The following GPRC5C variants were observed in gnomAD, a reference collection of about 807,000 sequenced individuals.
GPRC5C encodes the protein G protein-coupled receptor family C group 5 member C.
In GPRC5C, 22 loss-of-function variants were observed where a neutral mutation model predicts 31.4. The observed-to-expected ratio is 0.70, with a 90% CI of 0.50 to 1.00. The LOEUF is 1.00. Among genes scored for constraint, GPRC5C ranks in the 50% least tolerant of loss-of-function variants. The probability of loss-of-function intolerance (pLI) is 0.00; values close to 1 mark genes in which losing one functional copy is unlikely to be tolerated. For missense variants in GPRC5C, 557 were observed against 597.2 expected, an observed-to-expected ratio of 0.93 and a Z score of 0.70; for synonymous variants, 249 against 257.5, an observed-to-expected ratio of 0.97 and a Z score of 0.32.
intron 1 of GPRC5C, among the ~76,000 whole-genome samples, chr17:74,436,788 G>A (rs553586766): frequency 4.1e-4 from 63 of 152,296 alleles, no homozygotes; most frequent in African/African-American, 1.4e-3. Flanking sequence ...TCTTCCCTAC[G>A]TCCAGCTTCA....
At chr17:74,447,680 TCC>T (rs1851302195), downstream of GPRC5C, among the ~76,000 whole-genome samples, 1 of 152,178 alleles carries the variant, frequency 6.6e-6, no homozygotes. Context: ...TAGGATGCAG[TCC>T]CGCACCTGGG....
Position 74,438,540 on chromosome 17 carries a change from C to T in GPRC5C, c.-32-1205C>T, listed in dbSNP as rs8079890. Among the ~76,000 whole-genome samples the T allele has an allele frequency of 2.6e-3, 388 of 151,872 alleles. 3 individuals carry two copies. Among genetic ancestry groups the T allele is most frequent in the African/African-American group, 8.8e-3 (365 of 41,412 alleles). On this transcript the variant is annotated intron_variant, in intron 1 of 3. Coordinates refer to ENST00000392627, the MANE Select transcript of GPRC5C (RefSeq NM_022036.4). ...CCTCCCAAAGTGCTGGGATTACAGG[C>T]GTGAGCCACTGCACCCAGCTGCTAA... is the stretch of plus-strand genomic sequence containing the variant.
rs150994821 is a variant in GPRC5C at position 74,444,967 on chromosome 17, G to A, written c.1146+1055G>A. Among the ~76,000 whole-genome samples the A allele has an allele frequency of 2.4e-3, 360 of 152,236 alleles. 1 individual carries two copies. The highest frequency in any genetic ancestry group is 0.013 in the East Asian group (70 of 5,186). ...GGGAGCCTGCTCAAAGTGCAAATGG[G>A]GGCCAGGCACAATGGCTCACACCTG... is the stretch of plus-strand genomic sequence containing the variant. On this transcript the variant is annotated intron_variant, in intron 3 of 3. Coordinates refer to ENST00000392627, the MANE Select transcript of GPRC5C (RefSeq NM_022036.4).
At position 74,439,817 on chromosome 17, in the gene GPRC5C, C is replaced by T. The variant is rs1169087637; in HGVS notation, c.41C>T (p.Pro14Leu). 6.2e-7 allele frequency: 1 copy of T among 1,613,556 alleles called. No homozygotes were observed. Among genetic ancestry groups the T allele is most frequent in the African/African-American group, 1.3e-5 (1 of 74,936 alleles). The change falls in exon 2 of 4, where the codon CCT (proline) becomes CTT (leucine). Residue 14 changes from proline to leucine, a missense_variant. Physicochemically the swap from Pro to Leu is moderately conservative, Grantham distance 98. Coordinates refer to ENST00000392627, the MANE Select transcript of GPRC5C (RefSeq NM_022036.4). The part of the protein sequence containing the change: ...HKALVMCLGL[P>L]LFLFPGAWAQ... ...GCCTTGGTGATGTGCCTGGGACTGCCTCTCTTCCTGTTCCCAGGGGCCTGG... is the reference window on the plus strand; with the variant it reads ...GCCTTGGTGATGTGCCTGGGACTGCTTCTCTTCCTGTTCCCAGGGGCCTGG...
At chr17:74,438,649 TTG>T (rs1330961422) in intron 1 of GPRC5C, among the ~76,000 whole-genome samples, 3 of 152,188 alleles carry the variant, frequency 2.0e-5, no homozygotes, top group African/African-American at 7.2e-5. Flanking sequence ...TCTGTTCACC[TTG>T]ACCTCCCAAA....
downstream of GPRC5C, chr17:74,450,741 C>G (rs184372047): frequency 6.6e-5 from 10 of 152,290 alleles, no homozygotes; most frequent in East Asian, 1.9e-3. Flanking sequence ...GGTGCTGGCA[C>G]CAAAGACAGA....
chr17:74,446,794 C>G, intron 3 of GPRC5C, 55 bp from the exon 4 acceptor site: 1 of 1,397,786 alleles, frequency 7.2e-7, no homozygotes, highest in East Asian at 2.3e-5. Context: ...GCATCCGCCC[C>G]GGCGGAACCT....
chr17:74,432,121 A>G lies in GPRC5C; in HGVS notation c.-53A>G, dbSNP rs749190402. ...CCATCTCCCTCACCAGCCGGAAAGT[A>G]CGAGTCGGCTCAGCCTGGAGGTGAG... On this transcript the variant is annotated 5_prime_UTR_variant, in exon 1 of 4. Transcript: ENST00000392627. 2 of 1,613,256 alleles carry G rather than the reference A, an allele frequency of 1.2e-6. No individual in the cohort carries two copies. Among genetic ancestry groups the G allele is most frequent in the Admixed American group, 3.3e-5 (2 of 60,000 alleles).
chr17:74,450,264 G>GATT (rs1212058174), downstream of GPRC5C: 1 of 152,276 alleles, frequency 6.6e-6, no homozygotes, highest in Non-Finnish European at 1.5e-5. Flanking sequence ...CCATGACCCT[G>GATT]ATTACCTGGA....
intron 1 of GPRC5C, among the ~76,000 whole-genome samples, chr17:74,438,233 A>C (rs1406682209): frequency 4.4e-5 from 5 of 114,070 alleles, no homozygotes; most frequent in African/African-American, 2.5e-4. Flanking sequence ...ATATATATAT[A>C]TATATATATA....
rs775087365 is a variant in GPRC5C, at chr17:74,440,560, A to C, written c.784A>C (p.Met262Leu). 2.7e-5 allele frequency: 44 copies of C among 1,613,710 alleles called. No individual in the cohort carries two copies. In the East Asian group the frequency reaches 9.6e-4, roughly 35 times the overall value. ...TGCCATATGGGTGGTGTGGATCGTCATGTATACTTACGGCAACAAGCAGCA... is the reference window on the plus strand; with the variant it reads ...TGCCATATGGGTGGTGTGGATCGTCCTGTATACTTACGGCAACAAGCAGCA... ...SVAIWVVWIV[M>L]YTYGNKQHNS... The change falls in exon 2 of 4, where the codon ATG becomes CTG. Residue 262 changes from methionine (M) to leucine (L), a missense_variant. Physicochemically the swap from Met to Leu is conservative, Grantham distance 15. Transcript: ENST00000392627. This position sits in a 1 kb window ranked among gnomAD's most constrained non-coding sequence, Gnocchi z 4.4.
At chr17:74,437,395 C>A (rs1006339796) in intron 1 of GPRC5C, among the ~76,000 whole-genome samples, 1 of 152,118 alleles carries the variant, frequency 6.6e-6, no homozygotes, top group African/African-American at 2.4e-5. Context: ...TTTAGGAAAA[C>A]AACAGTACAT....
At chr17:74,451,424 G>C (rs999426327), downstream of GPRC5C, 27 of 152,354 alleles carry the variant, frequency 1.8e-4, no homozygotes, top group Admixed American at 1.6e-3. Context: ...GAAGAAGTTA[G>C]ATGAGTTCTT....
rs772268570 is a variant in GPRC5C at position 74,446,834 on chromosome 17, T to C, written c.1147-15T>C. 2 of 1,592,412 alleles carry C rather than the reference T, an allele frequency of 1.3e-6. No individual in the cohort carries two copies. The highest frequency in any genetic ancestry group is 1.1e-5 in the South Asian group (1 of 90,352). The stretch of plus-strand genomic sequence containing the variant: ...CCCAATCCCCGACTGTGAGACCGCC[T>C]GTTCTTCCTTCCAGTCCGAAGGAGC... On this transcript the variant is annotated splice_polypyrimidine_tract_variant and intron_variant, in intron 3 of 3. Coordinates refer to ENST00000392627, the MANE Select transcript of GPRC5C (RefSeq NM_022036.4).
chr17:74,438,587 C>T (rs7223682), intron 1 of GPRC5C, among the ~76,000 whole-genome samples: 10,736 of 151,562 alleles, frequency 0.071, 1,136 homozygotes, highest in African/African-American at 0.23. Flanking sequence ...TTTATAGAGA[C>T]GGGGTTTCAC....
At position 74,447,394 on chromosome 17, in the gene GPRC5C, C is replaced by G; in HGVS notation, c.*366C>G. The stretch of plus-strand genomic sequence containing the variant: ...CTGGATCTTGCTCCTCTGTGAGGAA[C>G]AAGGGTGCCTAATAAATACATTTCT... On this transcript the variant is annotated 3_prime_UTR_variant, in exon 4 of 4. Transcript: ENST00000392627. The G allele has an allele frequency of 2.0e-6, 2 of 1,015,666 alleles. No individual in the cohort carries two copies. Among genetic ancestry groups the G allele is most frequent in the Non-Finnish European group, 2.4e-6 (2 of 846,834 alleles). The allele number at this position is 1,015,666 out of a possible 1,614,324, so 62.9% of individuals were successfully genotyped here.
chr17:74,449,441 C>T (rs1050258376), downstream of GPRC5C: 36 of 904,382 alleles, frequency 4.0e-5, no homozygotes, highest in Non-Finnish European at 5.3e-5. Flanking sequence ...GGCCCAGCAC[C>T]TTTCCCATCC....
intron 3 of GPRC5C, 107 bp from the exon 4 acceptor site, chr17:74,446,742 T>TG (rs946311625): frequency 1.1e-5 from 9 of 841,910 alleles, no homozygotes; most frequent in African/African-American, 5.5e-5. Context: ...AGGGGGGAGT[T>TG]GGGGGGGATC....
chr17:74,440,710 T>C lies in GPRC5C; in HGVS notation c.934T>C (p.Tyr312His), dbSNP rs764082780. The C allele has an allele frequency of 6.2e-7, 1 of 1,603,840 alleles. No homozygotes were observed. The highest frequency in any genetic ancestry group is 2.2e-5 in the East Asian group (1 of 44,508). ...GACCAAGTCCAGCCCAGAGCAAAGC[T>C]ACCAGGGGGACATGTACCCCACCCG... ...QVTKSSPEQS[Y>H]QGDMYPTRGV... is the part of the protein sequence containing the mutation. The change falls in exon 2 of 4, where the codon TAC becomes CAC. Residue 312 changes from tyrosine to histidine, a missense_variant. Coordinates refer to ENST00000392627, the MANE Select transcript of GPRC5C (RefSeq NM_022036.4). This position sits in a 1 kb window ranked among gnomAD's most constrained non-coding sequence, Gnocchi z 4.4.
Sources: allele counts gnomAD v4.1 joint callset (sites outside exome capture counted in the v4.1 genomes callset), GRCh38; gene constraint gnomAD v4.1.1; non-coding constraint Gnocchi (gnomAD v3.1); transcripts MANE v1.5; gene names NCBI Gene and HGNC (gene_info 2026-07-23, HGNC 2026-07-21).